Variants in AKAP13 observed in about 807,000 individuals in gnomAD.
The protein encoded by AKAP13 is A-kinase anchor protein 13.
AKAP13 carries 80 observed loss-of-function variants against 264.5 expected under a neutral mutation model. The observed-to-expected ratio is 0.30, with a 90% CI of 0.25 to 0.36. The LOEUF (loss-of-function observed/expected upper bound fraction) is 0.36. Among genes scored for constraint, AKAP13 ranks in the 10% least tolerant of loss-of-function variants. The pLI, the probability that AKAP13 is intolerant of heterozygous loss-of-function variation, is 1.00. For missense variants in AKAP13, 3,712 were observed against 3,435.2 expected, an observed-to-expected ratio of 1.08 and a Z score of -2.01; for synonymous variants, 1,380 against 1,250.2, an observed-to-expected ratio of 1.10 and a Z score of -2.19.
At chr15:85,559,835 G>C (rs1418508776) in intron 5 of AKAP13, among the ~76,000 whole-genome samples, 2 of 152,140 alleles carry the variant, frequency 1.3e-5, no homozygotes, top group African/African-American at 2.4e-5. Context: ...ACTGGTACTG[G>C]TTTGTGGCAT....
intron 1 of AKAP13, among the ~76,000 whole-genome samples, chr15:85,444,311 A>G (rs548717341): frequency 6.6e-6 from 1 of 152,302 alleles, no homozygotes; most frequent in South Asian, 2.1e-4. Context: ...TCAGACAGAC[A>G]AAATAGAAAA....
At position 85,580,995 on chromosome 15, in the gene AKAP13, A is replaced by G. The variant is rs758137869; in HGVS notation, c.2927A>G (p.Lys976Arg). ...ATCTCAGCTGACTGTGCCAAGGACA[A>G]AGCACTTCAGCTAAGTAATTCACCG... ...KSISADCAKD[K>R]ALQLSNSPGA... Residue 976 changes from lysine (K) to arginine (R), a missense_variant, in exon 7 of 37, where the codon AAA becomes AGA. Physicochemically the swap from Lys to Arg is conservative, Grantham distance 26. This residue lies in a region of AKAP13 where 2,759 missense variants were observed against 2,411.7 expected (regional missense o/e 1.14). Transcript: ENST00000394518. 7.4e-6 allele frequency: 12 copies of G among 1,613,862 alleles called. No homozygotes were observed. Among genetic ancestry groups the G allele is most frequent in the Non-Finnish European group, 8.5e-7 (1 of 1,179,918 alleles).
intron 16 of AKAP13, among the ~76,000 whole-genome samples, chr15:85,689,038 C>A (rs945391978): frequency 1.3e-5 from 2 of 152,112 alleles, no homozygotes; most frequent in Non-Finnish European, 2.9e-5. Context: ...TTTTCTAAAC[C>A]ACAGTTACTT....
intron 27 of AKAP13, 50 bp downstream of exon 27, chr15:85,726,536 T>C: frequency 6.7e-7 from 1 of 1,491,188 alleles, no homozygotes; most frequent in Middle Eastern, 1.7e-4. Flanking sequence ...GCTAGTTTAG[T>C]TATGGAATGT....
chr15:85,725,708 A>C (rs956340658), intron 26 of AKAP13, among the ~76,000 whole-genome samples: 2 of 152,218 alleles, frequency 1.3e-5, no homozygotes, highest in African/African-American at 4.8e-5. Context: ...AGCTCGAGAT[A>C]GACTCAACTC....
intron 1 of AKAP13, among the ~76,000 whole-genome samples, chr15:85,443,166 C>T (rs745377337): frequency 2.1e-5 from 3 of 142,346 alleles, no homozygotes; most frequent in Non-Finnish European, 4.6e-5. Context: ...CTTCTGTGGT[C>T]TTCCTTTTAT....
chr15:85,558,991 A>G (rs1216861403), intron 5 of AKAP13, among the ~76,000 whole-genome samples: 1 of 151,324 alleles, frequency 6.6e-6, no homozygotes, highest in Non-Finnish European at 1.5e-5. Context: ...TTTCTTGGAA[A>G]TTTGACTTTT....
At chr15:85,487,208 T>A (rs908131086) in intron 2 of AKAP13, among the ~76,000 whole-genome samples, 1 of 152,226 alleles carries the variant, frequency 6.6e-6, no homozygotes, top group African/African-American at 2.4e-5. Flanking sequence ...GATCAAGTGA[T>A]CAGAGATCGT....
chr15:85,455,179 T>C (rs761281865), intron 1 of AKAP13, among the ~76,000 whole-genome samples: 30 of 152,342 alleles, frequency 2.0e-4, no homozygotes, highest in Non-Finnish European at 2.2e-4. Context: ...TTAATGTTCT[T>C]AGTGAACCTA....
Position 85,726,475 on chromosome 15 carries a change from T to A in AKAP13, c.6811T>A (p.Phe2271Ile). The change falls in exon 27 of 37, where the codon TTT becomes ATT. Residue 2271 changes from phenylalanine (F) to isoleucine (I), a missense_variant. By Grantham distance (21) the Phe-to-Ile change is conservative. Transcript: ENST00000394518. The part of the protein sequence containing the change: ...FLQEKDQKYI[F>I]ASLDQKSTVI... ...TCAAGAAAAAGACCAGAAGTACATCTTTGCATCATTGGTAAGCTGAATTGT... is the reference window on the plus strand; with the variant it reads ...TCAAGAAAAAGACCAGAAGTACATCATTGCATCATTGGTAAGCTGAATTGT... 1 of 1,612,536 alleles carries A rather than the reference T, an allele frequency of 6.2e-7. No individual in the cohort carries two copies. Among genetic ancestry groups the A allele is most frequent in the Non-Finnish European group, 8.5e-7 (1 of 1,178,586 alleles).
chr15:85,737,779 A>T (rs957838033), intron 33 of AKAP13, among the ~76,000 whole-genome samples: 17 of 152,108 alleles, frequency 1.1e-4, no homozygotes, highest in African/African-American at 3.4e-4. Flanking sequence ...CTGGGACTAC[A>T]GGCCCGCACT....
chr15:85,453,209 G>A (rs939932027), intron 1 of AKAP13, among the ~76,000 whole-genome samples: 2 of 152,216 alleles, frequency 1.3e-5, no homozygotes, highest in African/African-American at 4.8e-5. Flanking sequence ...AGAGTCAGTG[G>A]CCGAGAGGCT....
At chr15:85,681,074 T>TC (rs1485138727) in intron 14 of AKAP13, among the ~76,000 whole-genome samples, 2 of 152,196 alleles carry the variant, frequency 1.3e-5, no homozygotes, top group African/African-American at 4.8e-5. Context: ...TGCCTCTGCC[T>TC]CCCAAAGTGT....
chr15:85,449,319 G>A lies in AKAP13; in HGVS notation c.-11-36391G>A, dbSNP rs910812811. On this transcript the variant is annotated intron_variant, in intron 1 of 36. Transcript: ENST00000394518. Reference sequence around the variant, plus strand: ...CTGAAGTTGTTTATCAGCTGAAGGAGCTTTTGGGCCAAGACTATGGGGTTT... The same window carrying A: ...CTGAAGTTGTTTATCAGCTGAAGGAACTTTTGGGCCAAGACTATGGGGTTT... Among the ~76,000 whole-genome samples, 11 of 152,296 alleles carry A rather than the reference G, an allele frequency of 7.2e-5. No homozygotes were observed. In the East Asian group the frequency reaches 1.5e-3, roughly 21 times the overall value.
intron 4 of AKAP13, chr15:85,535,209 C>T (rs574975521): frequency 6.6e-6 from 1 of 152,306 alleles, no homozygotes; most frequent in Admixed American, 6.5e-5. Context: ...TTAGTTTCTA[C>T]ACTCAGATGA....
In AKAP13 at chr15:85,744,697, G is replaced by C; in HGVS notation, c.*20G>C. 1 of 1,588,532 alleles carries C rather than the reference G, an allele frequency of 6.3e-7. No individual in the cohort carries two copies. Among genetic ancestry groups the C allele is most frequent in the Non-Finnish European group, 8.6e-7 (1 of 1,168,510 alleles). On this transcript the variant is annotated 3_prime_UTR_variant, in exon 37 of 37. Transcript: ENST00000394518. ...TGCTGACCCTCTTCCTCTCTGCTGA[G>C]GCAGCTGCCTCCTGATCCTGGCCAG...
At chr15:85,610,698 G>A (rs569203327) in intron 8 of AKAP13, among the ~76,000 whole-genome samples, 1 of 152,330 alleles carries the variant, frequency 6.6e-6, no homozygotes, top group South Asian at 2.1e-4. Context: ...CTTAAGGGCC[G>A]GGCGTGGTGG....
At position 85,684,364 on chromosome 15, in the gene AKAP13, T is replaced by C. The variant is rs191059044; in HGVS notation, c.5157-377T>C. 7.9e-4 allele frequency: 123 copies of C among 154,910 alleles called. 1 individual carries two copies. The highest frequency in any genetic ancestry group is 3.4e-4 in the Non-Finnish European group (24 of 69,910). 9.6% of individuals were successfully genotyped at this position (154,910 alleles called of 1,614,324 possible). A position where few individuals can be genotyped will look rare whatever the true frequency, so the allele number is the denominator to read the frequency against. On this transcript the variant is annotated intron_variant, in intron 15 of 36. Transcript: ENST00000394518. ...ATTGTGTGAAGCCAGGAGTTCAAAA[T>C]CAGCCTGGGCAACATAGCAAGACCC... is the stretch of plus-strand genomic sequence containing the variant.
At chr15:85,470,124 C>CA (rs1467093495) in intron 1 of AKAP13, among the ~76,000 whole-genome samples, 5 of 152,042 alleles carry the variant, frequency 3.3e-5, no homozygotes, top group African/African-American at 1.2e-4. Context: ...CCTGTCTCTA[C>CA]AAAAAATACA....
Sources: gnomAD v4.1 joint callset for allele counts (sites outside exome capture counted in the v4.1 genomes callset) on GRCh38, gnomAD v4.1.1 for gene constraint, gnomAD v4.1.1 regional missense constraint, MANE v1.5 for transcripts, NCBI Gene and HGNC (gene_info 2026-07-23, HGNC 2026-07-21) for gene names.